CGGBP1: variants seen among roughly 807,000 people sequenced by gnomAD.
CGGBP1 encodes the protein CGG triplet repeat-binding protein 1.
In CGGBP1, 4 loss-of-function variants were observed where a neutral mutation model predicts 11.4. The ratio of observed to expected loss-of-function variants is 0.35; its 90% CI spans 0.17 to 0.80. The LOEUF is 0.80. Ranked by LOEUF, CGGBP1 falls within the 30% of genes least tolerant of loss-of-function variation. The pLI, the probability that CGGBP1 is intolerant of heterozygous loss-of-function variation, is 0.52. For synonymous variants in CGGBP1, 76 were observed against 74.1 expected, an observed-to-expected ratio of 1.03 and a Z score of -0.13; for missense variants, 135 against 202.1, an observed-to-expected ratio of 0.67 and a Z score of 2.01.
chr3:88,073,196 T>G (rs2107620346), intron 2 of CGGBP1, among the ~76,000 whole-genome samples: 1 of 152,300 alleles, frequency 6.6e-6, no homozygotes, highest in Middle Eastern at 3.4e-3. Context: ...CACCCAGACG[T>G]ACAGAATCCG....
intron 2 of CGGBP1, chr3:88,138,652 T>A: frequency 9.1e-7 from 1 of 1,101,420 alleles, no homozygotes; most frequent in Non-Finnish European, 1.2e-6. Context: ...TAGACTAGTA[T>A]AACCATTTTT....
At chr3:88,136,945 A>G (rs1576351808) in intron 2 of CGGBP1, among the ~76,000 whole-genome samples, 1 of 152,278 alleles carries the variant, frequency 6.6e-6, no homozygotes, top group East Asian at 1.9e-4. Context: ...CAGTAATCCC[A>G]GTACTTTGGG....
chr3:88,106,118 T>C (rs1385012175), intron 2 of CGGBP1, among the ~76,000 whole-genome samples: 4 of 152,180 alleles, frequency 2.6e-5, no homozygotes, highest in African/African-American at 9.7e-5. Context: ...CAAATAAGTT[T>C]CTCTTCATTA....
chr3:88,117,163 T>A (rs1456363993), intron 2 of CGGBP1, among the ~76,000 whole-genome samples: 1 of 152,166 alleles, frequency 6.6e-6, no homozygotes, highest in Non-Finnish European at 1.5e-5. Context: ...AATTAGCAGA[T>A]TAACTCCAGT....
In CGGBP1 at chr3:88,053,103, T is replaced by G. The variant is rs1329606832; in HGVS notation, c.*2370A>C. The G allele has an allele frequency of 2.0e-5, 3 of 152,522 alleles. No homozygotes were observed. The highest frequency in any genetic ancestry group is 4.4e-5 in the Non-Finnish European group (3 of 67,986). The allele number at this position is 152,522 out of a possible 1,614,324, so 9.4% of individuals were successfully genotyped here. Reference sequence around the variant, plus strand: ...ACACTATATAGTTAAGATTGAAAACTTCTGTACACACGTTCACTACACCTC... The same window carrying G: ...ACACTATATAGTTAAGATTGAAAACGTCTGTACACACGTTCACTACACCTC... On this transcript the variant is annotated 3_prime_UTR_variant, in exon 4 of 4. Coordinates refer to ENST00000482016, the MANE Select transcript of CGGBP1 (RefSeq NM_001008390.2).
At chr3:88,059,130 GC>G (rs1360449242), upstream of CGGBP1, 2 of 1,102,108 alleles carry the variant, frequency 1.8e-6, no homozygotes, top group Non-Finnish European at 2.5e-6. Flanking sequence ...ATGATTGGCA[GC>G]TTGCGTCTTC....
chr3:88,066,982 T>A (rs1386720742), intron 2 of CGGBP1, among the ~76,000 whole-genome samples: 1 of 149,724 alleles, frequency 6.7e-6, no homozygotes, highest in Non-Finnish European at 1.5e-5. Context: ...GGGAGGAGGT[T>A]GAATTGTATA....
At chr3:88,138,813 C>G in intron 2 of CGGBP1, 1 of 1,232,032 alleles carries the variant, frequency 8.1e-7, no homozygotes, top group Non-Finnish European at 1.0e-6. Context: ...AACAATTGCA[C>G]ATTTTTTGCC....
intron 2 of CGGBP1, among the ~76,000 whole-genome samples, chr3:88,084,822 T>C (rs1161621469): frequency 6.6e-6 from 1 of 152,200 alleles, no homozygotes; most frequent in Non-Finnish European, 1.5e-5. Flanking sequence ...TCAAGTCTCA[T>C]ACAGTTGACA....
Position 88,055,837 on chromosome 3 carries a change from T to C in CGGBP1, c.140A>G (p.Asn47Ser), listed in dbSNP as rs775196022. The change falls in exon 4 of 4, where the codon AAT (asparagine) becomes AGT (serine). Residue 47 changes from asparagine to serine, a missense_variant. Asn to Ser is a conservative substitution (Grantham distance 46, BLOSUM62 1). Coordinates refer to ENST00000482016, the MANE Select transcript of CGGBP1 (RefSeq NM_001008390.2). The surrounding 1 kb of genome is among the most constrained non-coding windows in gnomAD (Gnocchi z 4.2). ...DGGKLFCTSCNVVLNHVRKSA... is the reference protein window; with the variant it reads ...DGGKLFCTSCSVVLNHVRKSA... ...CTTGCGAACATGATTCAGAACCACATTGCAAGAAGTGCAGAAGAGTTTTCC... is the reference window on the plus strand; with the variant it reads ...CTTGCGAACATGATTCAGAACCACACTGCAAGAAGTGCAGAAGAGTTTTCC... 2 of 1,614,204 alleles carry C rather than the reference T, an allele frequency of 1.2e-6. No individual in the cohort carries two copies. The highest frequency in any genetic ancestry group is 1.7e-6 in the Non-Finnish European group (2 of 1,180,028).
At chr3:88,071,515 G>A (rs1000088188) in intron 2 of CGGBP1, among the ~76,000 whole-genome samples, 10 of 152,148 alleles carry the variant, frequency 6.6e-5, no homozygotes, top group African/African-American at 1.7e-4. Flanking sequence ...GCGCGGTAGC[G>A]GGCGCCTGTA....
upstream of CGGBP1, among the ~76,000 whole-genome samples, chr3:88,062,145 A>G (rs1263936931): frequency 2.6e-5 from 4 of 152,182 alleles, no homozygotes; most frequent in Admixed American, 2.6e-4. Context: ...TAAATGCTTA[A>G]ATAAAACTGG....
chr3:88,112,689 A>C (rs1705164187), intron 2 of CGGBP1, among the ~76,000 whole-genome samples: 1 of 151,810 alleles, frequency 6.6e-6, no homozygotes, highest in South Asian at 2.1e-4. Flanking sequence ...TTTTGTGTTA[A>C]TTTTATTCAA....
At chr3:88,125,425 A>C (rs983565011) in intron 2 of CGGBP1, among the ~76,000 whole-genome samples, 1 of 152,194 alleles carries the variant, frequency 6.6e-6, no homozygotes, top group Non-Finnish European at 1.5e-5. Context: ...AAAACATTTC[A>C]AATATCTTTT....
chr3:88,143,175 G>C (rs1400744879), intron 1 of CGGBP1: 1 of 152,122 alleles, frequency 6.6e-6, no homozygotes, highest in Non-Finnish European at 1.5e-5. Context: ...CTTCCAGGTA[G>C]CATCCATATT....
chr3:88,119,042 C>A (rs1186833603), intron 2 of CGGBP1, among the ~76,000 whole-genome samples: 1 of 149,316 alleles, frequency 6.7e-6, no homozygotes, highest in Non-Finnish European at 1.5e-5. Context: ...TGGGTATATA[C>A]CCAAAGGACT....
intron 2 of CGGBP1, among the ~76,000 whole-genome samples, chr3:88,080,813 G>C (rs1368861657): frequency 6.6e-6 from 1 of 152,202 alleles, no homozygotes; most frequent in Non-Finnish European, 1.5e-5. Context: ...GGTTGGAACA[G>C]ACAGATTTGT....
At chr3:88,138,952 G>A in intron 2 of CGGBP1, 1 of 1,243,696 alleles carries the variant, frequency 8.0e-7, no homozygotes. Context: ...GGCACAAGTA[G>A]TGTTCAAAAT....
intron 2 of CGGBP1, chr3:88,129,858 G>T (rs771744414): frequency 7.3e-7 from 1 of 1,379,228 alleles, no homozygotes; most frequent in South Asian, 1.7e-5. Flanking sequence ...AATTGAAATG[G>T]TAAGATGGGC....
Sources: gnomAD v4.1 joint callset for allele counts (sites outside exome capture counted in the v4.1 genomes callset) on GRCh38, gnomAD v4.1.1 for gene constraint, Gnocchi (gnomAD v3.1) non-coding constraint, MANE v1.5 for transcripts, NCBI Gene and HGNC (gene_info 2026-07-23, HGNC 2026-07-21) for gene names.